Variants in TMTC2 observed in about 807,000 individuals in gnomAD.
TMTC2 encodes transmembrane O-mannosyltransferase targeting cadherins 2.
A neutral mutation model predicts 82.4 loss-of-function variants in TMTC2; 43 were observed. The ratio of observed to expected loss-of-function variants is 0.52; its 90% CI spans 0.41 to 0.67. The LOEUF (loss-of-function observed/expected upper bound fraction) is 0.67. Ranked by LOEUF, TMTC2 falls within the 30% of genes least tolerant of loss-of-function variation. The pLI, the probability that TMTC2 is intolerant of heterozygous loss-of-function variation, is 0.00. For missense variants in TMTC2, 919 were observed against 1,012.4 expected (o/e 0.91, Z 1.25); for synonymous variants, 408 against 381.9 (o/e 1.07, Z -0.80).
chr12:83,036,365 A>G (rs1003201679), intron 9 of TMTC2, among the ~76,000 whole-genome samples: 17 of 152,086 alleles, frequency 1.1e-4, no homozygotes, highest in African/African-American at 4.1e-4. Flanking sequence ...GATTTTTTAA[A>G]ATTATAATTA....
At chr12:82,703,310 T>C (rs1592859091) in intron 1 of TMTC2, among the ~76,000 whole-genome samples, 1 of 152,132 alleles carries the variant, frequency 6.6e-6, no homozygotes, top group Admixed American at 6.5e-5. Context: ...AAGTATGACC[T>C]CCCTATAAAT....
rs184109662 is a variant in TMTC2, at chr12:82,930,249, G to T, written c.1484-182G>T. 3.6e-3 allele frequency among the ~76,000 whole-genome samples: 554 copies of T among 152,132 alleles called. 8 individuals carry two copies. The highest frequency in any genetic ancestry group is 0.013 in the African/African-American group (541 of 41,500). On this transcript the variant is annotated intron_variant, in intron 3 of 11. Coordinates refer to ENST00000321196, the MANE Select transcript of TMTC2 (RefSeq NM_152588.3). Reference sequence around the variant, plus strand: ...ATAATAATTACTTTAATTTTTTAAGGCTTTGATTATATTTAATCTCCTGGC... The same window carrying T: ...ATAATAATTACTTTAATTTTTTAAGTCTTTGATTATATTTAATCTCCTGGC...
At chr12:82,895,097 G>T (rs1348090131) in intron 2 of TMTC2, among the ~76,000 whole-genome samples, 3 of 151,922 alleles carry the variant, frequency 2.0e-5, no homozygotes, top group East Asian at 1.9e-4. Context: ...GATTACAGGG[G>T]TGAGCCACTG....
intron 4 of TMTC2, among the ~76,000 whole-genome samples, chr12:82,934,906 C>T (rs950309857): frequency 6.6e-6 from 1 of 151,932 alleles, no homozygotes; most frequent in Non-Finnish European, 1.5e-5. Flanking sequence ...TTTTAATGAT[C>T]GTCATTGTAA....
intron 2 of TMTC2, among the ~76,000 whole-genome samples, chr12:82,891,129 T>C (rs1433504676): frequency 6.6e-6 from 1 of 152,158 alleles, no homozygotes; most frequent in Non-Finnish European, 1.5e-5. Flanking sequence ...AGTAGCTCAG[T>C]AAAAATTTGC....
At chr12:82,733,278 T>C (rs1874925262) in intron 1 of TMTC2, among the ~76,000 whole-genome samples, 1 of 152,220 alleles carries the variant, frequency 6.6e-6, no homozygotes, top group African/African-American at 2.4e-5. Context: ...CCAAAAATCA[T>C]TACAGATTTT....
Position 82,938,723 on chromosome 12 carries a change from G to A in TMTC2, c.1598+8178G>A, listed in dbSNP as rs150553380. ...TCATGTGGCAAGAGCAAGGCCTAATGCCTAGTATATAACGTTCATTTTGTC... is the reference window on the plus strand; with the variant it reads ...TCATGTGGCAAGAGCAAGGCCTAATACCTAGTATATAACGTTCATTTTGTC... On this transcript the variant is annotated intron_variant, in intron 4 of 11. Coordinates refer to ENST00000321196, the MANE Select transcript of TMTC2 (RefSeq NM_152588.3). Among the ~76,000 whole-genome samples, 3 of 152,214 alleles carry A rather than the reference G, an allele frequency of 2.0e-5. No homozygotes were observed. The East Asian group carries it at 5.8e-4, about 29-fold the overall frequency.
rs556891233 is a variant in TMTC2, at chr12:82,726,837, C to T, written c.83+39168C>T. Reference sequence around the variant, plus strand: ...GAGCTTGCAGTGAGCTGAGATGGCGCCACTGCACTCCAGCCTGGGCGAGAG... The same window carrying T: ...GAGCTTGCAGTGAGCTGAGATGGCGTCACTGCACTCCAGCCTGGGCGAGAG... On this transcript the variant is annotated intron_variant, in intron 1 of 11. Coordinates refer to ENST00000321196, the MANE Select transcript of TMTC2 (RefSeq NM_152588.3). Among the ~76,000 whole-genome samples the T allele has an allele frequency of 8.0e-5, 12 of 149,140 alleles. No individual in the cohort carries two copies. In the South Asian group the frequency reaches 2.2e-3, roughly 27 times the overall value.
At position 83,134,313 on chromosome 12, in the gene TMTC2, A is replaced by G. The variant is rs1035176550; in HGVS notation, c.*1924A>G. 6.6e-6 allele frequency: 1 copy of G among 152,096 alleles called. No individual in the cohort carries two copies. The highest frequency in any genetic ancestry group is 1.9e-4 in the East Asian group (1 of 5,164). 9.4% of individuals were successfully genotyped at this position (152,096 alleles called of 1,614,324 possible). On this transcript the variant is annotated 3_prime_UTR_variant, in exon 12 of 12. Transcript: ENST00000321196. Reference sequence around the variant, plus strand: ...TGCAAAAAAAAAAAAGGAATTTAATATAAGGCTATAGAGATTAATTCAGTG... The same window carrying G: ...TGCAAAAAAAAAAAAGGAATTTAATGTAAGGCTATAGAGATTAATTCAGTG...
intron 2 of TMTC2, among the ~76,000 whole-genome samples, chr12:82,891,977 G>C (rs61931365): frequency 0.028 from 4,324 of 152,148 alleles, 87 homozygotes; most frequent in Non-Finnish European, 0.046. Context: ...GAGGTAGGAG[G>C]ATTGCTTGAA....
chr12:82,912,132 T>C (rs1874704314), intron 3 of TMTC2, among the ~76,000 whole-genome samples: 1 of 152,242 alleles, frequency 6.6e-6, no homozygotes, highest in African/African-American at 2.4e-5. Context: ...TCAGCATTAA[T>C]ATCTTTTTTG....
At chr12:83,044,557 A>G (rs1882020610) in intron 9 of TMTC2, among the ~76,000 whole-genome samples, 1 of 152,154 alleles carries the variant, frequency 6.6e-6, no homozygotes, top group Non-Finnish European at 1.5e-5. Context: ...TATGGGCACT[A>G]TTTAGGAGGT....
chr12:82,792,025 T>C (rs1329571297), intron 1 of TMTC2, among the ~76,000 whole-genome samples: 1 of 152,116 alleles, frequency 6.6e-6, no homozygotes, highest in Non-Finnish European at 1.5e-5. Flanking sequence ...TCAAGAGTGT[T>C]TTTTCTTACC....
intron 11 of TMTC2, among the ~76,000 whole-genome samples, chr12:83,069,245 A>T (rs1165534988): frequency 6.6e-6 from 1 of 152,112 alleles, no homozygotes; most frequent in Admixed American, 6.5e-5. Flanking sequence ...TGGTAGTTCT[A>T]CTTTTAGTTC....
intron 2 of TMTC2, among the ~76,000 whole-genome samples, chr12:82,865,684 T>C (rs967843185): frequency 2.5e-4 from 38 of 152,188 alleles, no homozygotes; most frequent in African/African-American, 8.4e-4. Context: ...ACAGAACTCT[T>C]CACCCCAAAT....
At chr12:82,959,250 C>T (rs1877782054) in intron 4 of TMTC2, among the ~76,000 whole-genome samples, 1 of 152,100 alleles carries the variant, frequency 6.6e-6, no homozygotes. Context: ...GGTCATACTG[C>T]CCAAAGCAAT....
intron 1 of TMTC2, among the ~76,000 whole-genome samples, chr12:82,821,517 A>G (rs919836822): frequency 6.6e-6 from 1 of 152,156 alleles, no homozygotes; most frequent in African/African-American, 2.4e-5. Flanking sequence ...AGGCTTAGAA[A>G]GATTAAGTAA....
At chr12:82,881,274 G>A (rs1293985048) in intron 2 of TMTC2, among the ~76,000 whole-genome samples, 1 of 152,154 alleles carries the variant, frequency 6.6e-6, no homozygotes, top group East Asian at 1.9e-4. Flanking sequence ...AATGAATACT[G>A]CAATGATTAT....
intron 1 of TMTC2, among the ~76,000 whole-genome samples, chr12:82,730,909 G>C (rs1874768393): frequency 6.6e-6 from 1 of 152,190 alleles, no homozygotes; most frequent in Non-Finnish European, 1.5e-5. Flanking sequence ...AAGTATATAA[G>C]TCGTTTTGAT....
Sources: gnomAD v4.1 joint callset for allele counts (sites outside exome capture counted in the v4.1 genomes callset) on GRCh38, gnomAD v4.1.1 for gene constraint, MANE v1.5 for transcripts, NCBI Gene and HGNC (gene_info 2026-07-23, HGNC 2026-07-21) for gene names.